GLRB: variants seen among roughly 807,000 people sequenced by gnomAD.
The protein encoded by GLRB is glycine receptor beta.
Under a neutral mutation model 54.2 loss-of-function variants are expected in GLRB, and 33 were observed. The observed-to-expected ratio is 0.61, with a 90% CI of 0.46 to 0.81. The LOEUF is 0.81. GLRB is among the 40% of genes least tolerant of loss of function. The pLI, the probability that GLRB is intolerant of heterozygous loss-of-function variation, is 0.00. For missense variants in GLRB, 572 were observed against 584.6 expected, an observed-to-expected ratio of 0.98 and a Z score of 0.22; for synonymous variants, 209 against 208.2, an observed-to-expected ratio of 1.00 and a Z score of -0.03.
chr4:157,157,139 C>T (rs557615640), intron 9 of GLRB, among the ~76,000 whole-genome samples: 39 of 152,270 alleles, frequency 2.6e-4, no homozygotes, highest in Admixed American at 1.4e-3. Context: ...TCCTGACCCT[C>T]CAGGGCCCCC....
intron 8 of GLRB, among the ~76,000 whole-genome samples, chr4:157,148,737 GA>G (rs1736907901): frequency 1.3e-5 from 2 of 152,060 alleles, no homozygotes; most frequent in African/African-American, 4.8e-5. Flanking sequence ...TGTGTGTTGA[GA>G]TTTTTTTTAA....
At chr4:157,126,775 A>G (rs952431700) in intron 4 of GLRB, among the ~76,000 whole-genome samples, 1 of 151,852 alleles carries the variant, frequency 6.6e-6, no homozygotes, top group Non-Finnish European at 1.5e-5. Context: ...GACCTATCGA[A>G]CTTATGTAGG....
intron 4 of GLRB, among the ~76,000 whole-genome samples, chr4:157,132,372 C>G (rs991351031): frequency 6.6e-6 from 1 of 151,714 alleles, no homozygotes; most frequent in Non-Finnish European, 1.5e-5. Flanking sequence ...TTTTCTCTAT[C>G]TTGATATTTA....
chr4:157,109,927 C>T (rs943383740), intron 2 of GLRB, among the ~76,000 whole-genome samples: 1 of 152,022 alleles, frequency 6.6e-6, no homozygotes, highest in Non-Finnish European at 1.5e-5. Flanking sequence ...CCATCCTTTA[C>T]AATCCTCTAT....
chr4:157,097,665 C>A (rs1734861985), intron 2 of GLRB, among the ~76,000 whole-genome samples: 1 of 152,264 alleles, frequency 6.6e-6, no homozygotes, highest in African/African-American at 2.4e-5. Context: ...TGGTTAATGA[C>A]TTTTTACATA....
chr4:157,140,595 A>G (rs543521115), intron 7 of GLRB, among the ~76,000 whole-genome samples: 27 of 152,088 alleles, frequency 1.8e-4, no homozygotes, highest in African/African-American at 6.0e-4. Context: ...CAACAATTCT[A>G]TGAATTAAGT....
intron 9 of GLRB, among the ~76,000 whole-genome samples, chr4:157,167,222 C>T (rs1737743430): frequency 6.6e-6 from 1 of 152,134 alleles, no homozygotes; most frequent in Non-Finnish European, 1.5e-5. Context: ...CTATGATACA[C>T]ATAGAATCCT....
At chr4:157,119,768 A>G (rs1735736877) in intron 2 of GLRB, among the ~76,000 whole-genome samples, 2 of 151,718 alleles carry the variant, frequency 1.3e-5, no homozygotes, top group Non-Finnish European at 2.9e-5. Context: ...AAATAGGAAC[A>G]CTTTTACACT....
At chr4:157,086,957 A>T (rs1349938093) in intron 2 of GLRB, among the ~76,000 whole-genome samples, 1 of 152,118 alleles carries the variant, frequency 6.6e-6, no homozygotes, top group Non-Finnish European at 1.5e-5. Context: ...GATTAGAATT[A>T]GTTCTTTATG....
At chr4:157,134,882 T>C (rs1736345495) in intron 4 of GLRB, among the ~76,000 whole-genome samples, 1 of 148,508 alleles carries the variant, frequency 6.7e-6, no homozygotes, top group South Asian at 2.1e-4. Context: ...AGAGTTAATG[T>C]TTAGCTTCCC....
At chr4:157,135,826 T>G (rs1324330564) in intron 4 of GLRB, among the ~76,000 whole-genome samples, 19 of 152,252 alleles carry the variant, frequency 1.2e-4, no homozygotes, top group South Asian at 4.1e-4. Context: ...AGCCACATGC[T>G]TTGGCTAAGG....
At chr4:157,116,135 G>A (rs1735601630) in intron 2 of GLRB, among the ~76,000 whole-genome samples, 1 of 151,688 alleles carries the variant, frequency 6.6e-6, no homozygotes, top group South Asian at 2.1e-4. Flanking sequence ...CTTTAGTGCT[G>A]GAAAATATTA....
chr4:157,106,850 A>G (rs1735245220), intron 2 of GLRB, among the ~76,000 whole-genome samples: 1 of 152,070 alleles, frequency 6.6e-6, no homozygotes, highest in Non-Finnish European at 1.5e-5. Flanking sequence ...GTCAGCCAAT[A>G]CCACTATTAA....
chr4:157,165,349 T>A (rs1579257135), intron 9 of GLRB, among the ~76,000 whole-genome samples: 1 of 152,062 alleles, frequency 6.6e-6, no homozygotes, highest in African/African-American at 2.4e-5. Flanking sequence ...AAATGCATTT[T>A]TTCTAATGTA....
intron 9 of GLRB, among the ~76,000 whole-genome samples, chr4:157,157,437 C>A (rs1428951651): frequency 1.5e-4 from 23 of 152,096 alleles, no homozygotes; most frequent in Admixed American, 5.9e-4. Flanking sequence ...GTGTGCTGCA[C>A]CCCTTAACTC....
chr4:157,091,880 A>T (rs1036773409), intron 2 of GLRB, among the ~76,000 whole-genome samples: 1 of 152,110 alleles, frequency 6.6e-6, no homozygotes, highest in African/African-American at 2.4e-5. Context: ...TTTCCCCCTT[A>T]ATCTGTTACA....
At chr4:157,156,899 CG>C (rs1204320216) in intron 9 of GLRB, among the ~76,000 whole-genome samples, 5 of 152,134 alleles carry the variant, frequency 3.3e-5, no homozygotes, top group Admixed American at 2.6e-4. Context: ...GACTCCAAAT[CG>C]TGTTTAAGCC....
rs80186798 is a variant in GLRB at position 157,114,943 on chromosome 4, C to G, written c.123-5613C>G. 7.9e-3 allele frequency among the ~76,000 whole-genome samples: 1,192 copies of G among 151,784 alleles called. 23 individuals carry two copies. In the East Asian group the frequency reaches 0.1, roughly 13 times the overall value. On this transcript the variant is annotated intron_variant, in intron 2 of 9. Coordinates refer to ENST00000264428, the MANE Select transcript of GLRB (RefSeq NM_000824.5). ...CCATAAAGTTACTCTTTCCGCACCCCCCTTTGCAGACTGAACTCTTTGGAA... is the reference window on the plus strand; with the variant it reads ...CCATAAAGTTACTCTTTCCGCACCCGCCTTTGCAGACTGAACTCTTTGGAA...
chr4:157,078,250 C>A, intron 2 of GLRB, 104 bp downstream of exon 2: 6 of 1,556,942 alleles, frequency 3.9e-6, no homozygotes, highest in Non-Finnish European at 5.2e-6. Flanking sequence ...CTTTTCATAT[C>A]GGAATGTATA....
Sources: allele counts gnomAD v4.1 joint callset (sites outside exome capture counted in the v4.1 genomes callset), GRCh38; gene constraint gnomAD v4.1.1; transcripts MANE v1.5; gene names NCBI Gene and HGNC (gene_info 2026-07-23, HGNC 2026-07-21).